The following SYNE2 variants were observed in gnomAD, a reference collection of about 807,000 sequenced individuals.
The protein encoded by SYNE2 is nesprin-2.
Under a neutral mutation model 856.3 loss-of-function variants are expected in SYNE2, and 431 were observed. The ratio of observed to expected loss-of-function variants is 0.50; its 90% CI spans 0.47 to 0.55. SYNE2 has a LOEUF of 0.55. Among genes scored for constraint, SYNE2 ranks in the 20% least tolerant of loss-of-function variants. The pLI, the probability that SYNE2 is intolerant of heterozygous loss-of-function variation, is 0.00. For synonymous variants in SYNE2, 2,923 were observed against 2,872.3 expected, an observed-to-expected ratio of 1.02 and a Z score of -0.56; for missense variants, 8,129 against 8,023.2, an observed-to-expected ratio of 1.01 and a Z score of -0.50.
chr14:63,771,261 G>C (rs1457950023), intron 1 of SYNE2, among the ~76,000 whole-genome samples: 1 of 151,424 alleles, frequency 6.6e-6, no homozygotes, highest in Non-Finnish European at 1.5e-5. Flanking sequence ...TAGTAGAGAC[G>C]GGGTTTCACC....
chr14:63,761,604 G>A (rs946857346), upstream of SYNE2, among the ~76,000 whole-genome samples: 4 of 152,140 alleles, frequency 2.6e-5, no homozygotes, highest in African/African-American at 9.7e-5. Context: ...TCATAGATAA[G>A]GATGTTCCTT....
In SYNE2 at chr14:64,053,383, A is replaced by G. The variant is rs751212159; in HGVS notation, c.9470A>G (p.Lys3157Arg). The change falls in exon 48 of 116, where the codon AAA becomes AGA. Residue 3157 changes from lysine to arginine, a missense_variant. Physicochemically the swap from Lys to Arg is conservative, Grantham distance 26. Around this residue, in one of 3 missense-constraint regions of SYNE2, gnomAD observed 5,410 missense variants for 5,284.8 expected, o/e 1.02. Transcript: ENST00000555002. The stretch of plus-strand genomic sequence containing the variant: ...TTGGATGAAAAGAATTGTCAGGACA[A>G]ACTAGAAACTTCCTTACATGTTTTA... ...KELDEKNCQDKLETSLHVLNQ... is the reference protein window; with the variant it reads ...KELDEKNCQDRLETSLHVLNQ... 3 of 1,613,870 alleles carry G rather than the reference A, an allele frequency of 1.9e-6. No individual in the cohort carries two copies. Among genetic ancestry groups the G allele is most frequent in the Non-Finnish European group, 2.5e-6 (3 of 1,179,984 alleles).
intron 35 of SYNE2, among the ~76,000 whole-genome samples, chr14:64,020,399 A>G (rs755716407): frequency 1.3e-5 from 2 of 152,210 alleles, no homozygotes; most frequent in Admixed American, 6.5e-5. Context: ...TATGGCCTCT[A>G]AAATAATGCT....
In SYNE2 at chr14:64,163,466, G is replaced by T. The variant is rs1176640692; in HGVS notation, c.16364G>T (p.Arg5455Leu). ...CTCCAAAATTCCAGTGTCCTGGATCGACTCCCACAACCCGCAGAGTCCAGC... is the reference window on the plus strand; with the variant it reads ...CTCCAAAATTCCAGTGTCCTGGATCTACTCCCACAACCCGCAGAGTCCAGC... Reference protein sequence around the residue: ...AFLQNSSVLDRLPQPAESSTH... With the variant: ...AFLQNSSVLDLLPQPAESSTH... The change falls in exon 89 of 116, where the codon CGA becomes CTA. Residue 5455 changes from arginine to leucine, a missense_variant. Arg to Leu is a moderately radical substitution (Grantham distance 102). Transcript: ENST00000555002. 1 of 1,614,110 alleles carries T rather than the reference G, an allele frequency of 6.2e-7. No individual in the cohort carries two copies. Among genetic ancestry groups the T allele is most frequent in the Non-Finnish European group, 8.5e-7 (1 of 1,180,038 alleles).
intron 1 of SYNE2, among the ~76,000 whole-genome samples, chr14:63,825,607 C>T (rs1303531819): frequency 2.0e-5 from 3 of 152,168 alleles, no homozygotes; most frequent in African/African-American, 7.2e-5. Flanking sequence ...GGTGCAGTGG[C>T]TCACATCTGT....
chr14:64,008,457 T>G (rs1011919853), intron 31 of SYNE2, among the ~76,000 whole-genome samples: 1 of 152,166 alleles, frequency 6.6e-6, no homozygotes, highest in Non-Finnish European at 1.5e-5. Flanking sequence ...TCCTGCAGAG[T>G]TGGGGCTAGT....
At position 64,126,596 on chromosome 14, in the gene SYNE2, A is replaced by G; in HGVS notation, c.13708-2A>G. On this transcript the variant is annotated splice_acceptor_variant, in intron 72 of 115. Coordinates refer to ENST00000555002, the MANE Select transcript of SYNE2 (RefSeq NM_182914.3). LOFTEE classifies it high-confidence loss of function. ...CATTGTCTTCCTTCCTCTCCACTCC[A>G]GACGCTGGCTCTTGAGTTGAAGAAA... 1 of 1,614,222 alleles carries G rather than the reference A, an allele frequency of 6.2e-7. No individual in the cohort carries two copies. Among genetic ancestry groups the G allele is most frequent in the Non-Finnish European group, 8.5e-7 (1 of 1,180,046 alleles).
chr14:64,011,770 T>C (rs1205991879), intron 32 of SYNE2, among the ~76,000 whole-genome samples: 1 of 152,228 alleles, frequency 6.6e-6, no homozygotes, highest in East Asian at 1.9e-4. Flanking sequence ...CATAACTGTA[T>C]AACCTTATAA....
At chr14:64,038,199 C>T (rs1381972699) in intron 45 of SYNE2, among the ~76,000 whole-genome samples, 8 of 148,564 alleles carry the variant, frequency 5.4e-5, no homozygotes, top group South Asian at 4.3e-4. Flanking sequence ...ACATCTCAGA[C>T]GATGGGCGGC....
chr14:63,983,999 T>C (rs2096605904), intron 18 of SYNE2, 113 bp downstream of exon 18: 1 of 762,020 alleles, frequency 1.3e-6, no homozygotes, highest in Admixed American at 2.7e-5. Flanking sequence ...CCCAGCACTT[T>C]GGGAGGACAA....
At chr14:63,995,639 T>G (rs1452632726) in intron 23 of SYNE2, among the ~76,000 whole-genome samples, 1 of 152,184 alleles carries the variant, frequency 6.6e-6, no homozygotes, top group Non-Finnish European at 1.5e-5. Context: ...TATTTGACAT[T>G]CCTGACCCTT....
At chr14:64,014,972 TATAC>T (rs1444478083) in intron 32 of SYNE2, among the ~76,000 whole-genome samples, 10 of 83,948 alleles carry the variant, frequency 1.2e-4, no homozygotes, top group African/African-American at 2.3e-4. Context: ...TATATATATA[TATAC>T]ACACACACAC....
At chr14:63,947,130 G>A (rs2096047400) in intron 6 of SYNE2, among the ~76,000 whole-genome samples, 1 of 152,144 alleles carries the variant, frequency 6.6e-6, no homozygotes, top group Non-Finnish European at 1.5e-5. Flanking sequence ...GATTGCAGGT[G>A]TGAGCCACCA....
chr14:63,962,641 A>G (rs941533914), intron 9 of SYNE2, among the ~76,000 whole-genome samples: 1 of 152,202 alleles, frequency 6.6e-6, no homozygotes, highest in East Asian at 1.9e-4. Context: ...TCACAGGCTT[A>G]AATGATTCTC....
intron 6 of SYNE2, 51 bp from the exon 7 acceptor site, chr14:63,949,774 T>C (rs2096121288): frequency 1.9e-6 from 3 of 1,608,724 alleles, no homozygotes; most frequent in Non-Finnish European, 2.6e-6. Context: ...TTTGGCCCAA[T>C]GCTGGTAACT....
chr14:64,179,630 T>A (rs946621977), intron 96 of SYNE2, among the ~76,000 whole-genome samples: 1 of 152,254 alleles, frequency 6.6e-6, no homozygotes, highest in African/African-American at 2.4e-5. Context: ...TGAGATAGTA[T>A]CTCTTTATAG....
chr14:64,117,881 G>T (rs1328151601), intron 66 of SYNE2, among the ~76,000 whole-genome samples: 1 of 152,172 alleles, frequency 6.6e-6, no homozygotes, highest in Non-Finnish European at 1.5e-5. Context: ...ATCCTGGGCG[G>T]GATGGAGCAG....
At chr14:64,153,556 A>G (rs1451291886) in intron 85 of SYNE2, among the ~76,000 whole-genome samples, 2 of 152,226 alleles carry the variant, frequency 1.3e-5, no homozygotes, top group Admixed American at 6.5e-5. Context: ...ACTCAGCCTC[A>G]TTCCTCAGTC....
Position 63,916,059 on chromosome 14 carries a change from G to GC in SYNE2, c.79+6832_79+6833insC, listed in dbSNP as rs1289977368. Among the ~76,000 whole-genome samples the GC allele has an allele frequency of 6.7e-3, 1,025 of 152,264 alleles. 19 individuals are homozygous for GC. Among genetic ancestry groups the GC allele is most frequent in the African/African-American group, 0.023 (971 of 41,534 alleles). On this transcript the variant is annotated intron_variant, in intron 2 of 115. Transcript: ENST00000555002. ...GCACCTTCAAGAAGCATGTAGTCTA[G>GC]ATGTGCTTTTGCTTGTTGATGTCAT...
Sources: allele counts gnomAD v4.1 joint callset (sites outside exome capture counted in the v4.1 genomes callset), GRCh38; gene constraint gnomAD v4.1.1; regional missense constraint gnomAD v4.1.1; transcripts MANE v1.5; gene names NCBI Gene and HGNC (gene_info 2026-07-23, HGNC 2026-07-21).